ANKH: variants seen among roughly 807,000 people sequenced by gnomAD.
ANKH encodes ANKH inorganic pyrophosphate transport regulator, also known as mineralization regulator ANKH.
In ANKH, 15 loss-of-function variants were observed where a neutral mutation model predicts 49.0. The observed-to-expected ratio is 0.31, with a 90% CI of 0.20 to 0.47. ANKH has a LOEUF of 0.47. Among genes scored for constraint, ANKH ranks in the 20% least tolerant of loss-of-function variants. The pLI, the probability that ANKH is intolerant of heterozygous loss-of-function variation, is 1.00. For missense variants in ANKH, 429 were observed against 652.0 expected (o/e 0.66, Z 3.72); for synonymous variants, 273 against 260.0 (o/e 1.05, Z -0.48).
intron 1 of ANKH, among the ~76,000 whole-genome samples, chr5:14,865,569 C>T (rs949854485): frequency 6.6e-6 from 1 of 152,178 alleles, no homozygotes; most frequent in African/African-American, 2.4e-5. Flanking sequence ...TACAACAGAT[C>T]CCTGTCATGT....
chr5:14,717,472 T>G (rs777461422), intron 8 of ANKH, among the ~76,000 whole-genome samples: 6 of 152,024 alleles, frequency 3.9e-5, no homozygotes, highest in Admixed American at 2.6e-4. Context: ...AAAGTGGAGC[T>G]CTCTCCCCAC....
chr5:14,820,827 G>A (rs1160940573), intron 1 of ANKH, among the ~76,000 whole-genome samples: 1 of 152,234 alleles, frequency 6.6e-6, no homozygotes, highest in Non-Finnish European at 1.5e-5. Context: ...GCCAGGTGCA[G>A]TGGCTTATGC....
At position 14,797,926 on chromosome 5, in the gene ANKH, A is replaced by G. The variant is rs929050677; in HGVS notation, c.97-28735T>C. 1.9e-6 allele frequency: 3 copies of G among 1,598,996 alleles called. No individual in the cohort carries two copies. The African/African-American group carries it at 4.0e-5, about 21-fold the overall frequency. The stretch of plus-strand genomic sequence containing the variant: ...CATTCTCCAGAAGGATCTGGTTTAG[A>G]AGGATGTTTTGTATAGTCAAAGACA... On this transcript the variant is annotated intron_variant, in intron 1 of 11. Transcript: ENST00000284268.
chr5:14,858,202 A>G (rs1357803753), intron 1 of ANKH, among the ~76,000 whole-genome samples: 1 of 152,032 alleles, frequency 6.6e-6, no homozygotes, highest in Non-Finnish European at 1.5e-5. Flanking sequence ...GGTTTGGTGC[A>G]CCTGTCACCT....
chr5:14,798,080 A>T, intron 1 of ANKH: 1 of 1,581,136 alleles, frequency 6.3e-7, no homozygotes, highest in South Asian at 1.1e-5. Flanking sequence ...CTGAACCAAA[A>T]CCTCCAAATT....
chr5:14,816,345 G>A (rs1054741835), intron 1 of ANKH, among the ~76,000 whole-genome samples: 3 of 152,130 alleles, frequency 2.0e-5, no homozygotes, highest in Non-Finnish European at 2.9e-5. Context: ...AAGCCACTTC[G>A]AATGGGTCTA....
chr5:14,764,847 T>A (rs1739209445), intron 2 of ANKH, among the ~76,000 whole-genome samples: 1 of 152,180 alleles, frequency 6.6e-6, no homozygotes, highest in Non-Finnish European at 1.5e-5. Flanking sequence ...GCAGTTTTGT[T>A]CCCCTGAATT....
At chr5:14,730,844 G>A (rs1737975981) in intron 8 of ANKH, among the ~76,000 whole-genome samples, 1 of 152,228 alleles carries the variant, frequency 6.6e-6, no homozygotes, top group Non-Finnish European at 1.5e-5. Context: ...CCAGAGCCCG[G>A]GTTCCACTGG....
At chr5:14,777,525 T>C (rs1230216526) in intron 1 of ANKH, among the ~76,000 whole-genome samples, 1 of 152,192 alleles carries the variant, frequency 6.6e-6, no homozygotes, top group Non-Finnish European at 1.5e-5. Context: ...GTATGAGCTG[T>C]CTAGATCATT....
chr5:14,772,952 C>A (rs1739494741), intron 1 of ANKH, among the ~76,000 whole-genome samples: 1 of 152,230 alleles, frequency 6.6e-6, no homozygotes. Flanking sequence ...TGTGTAAGAT[C>A]AGTGTCCCTG....
At chr5:14,836,351 T>C (rs1019986197) in intron 1 of ANKH, among the ~76,000 whole-genome samples, 1 of 152,204 alleles carries the variant, frequency 6.6e-6, no homozygotes, top group African/African-American at 2.4e-5. Flanking sequence ...GATGACATGA[T>C]TGTATATTTA....
At chr5:14,778,808 C>T (rs550940802) in intron 1 of ANKH, among the ~76,000 whole-genome samples, 3 of 152,192 alleles carry the variant, frequency 2.0e-5, no homozygotes, top group South Asian at 2.1e-4. Context: ...CCACCCTTAA[C>T]GGTATTTGTA....
chr5:14,792,284 G>A (rs1343159031), intron 1 of ANKH, among the ~76,000 whole-genome samples: 2 of 152,202 alleles, frequency 1.3e-5, no homozygotes, highest in Non-Finnish European at 2.9e-5. Flanking sequence ...CTTGTGAGTG[G>A]AGGATTTATG....
intron 1 of ANKH, among the ~76,000 whole-genome samples, chr5:14,858,641 A>G (rs2126629172): frequency 6.6e-6 from 1 of 151,986 alleles, no homozygotes; most frequent in Non-Finnish European, 1.5e-5. Flanking sequence ...GCTTAAACAC[A>G]GGAGGCGGGG....
intron 1 of ANKH, among the ~76,000 whole-genome samples, chr5:14,859,914 T>G (rs2126630530): frequency 6.6e-6 from 1 of 152,374 alleles, no homozygotes; most frequent in East Asian, 1.9e-4. Flanking sequence ...TTTAGGGCCC[T>G]TTGGCAGGTC....
chr5:14,734,558 G>C (rs76940619), intron 8 of ANKH, among the ~76,000 whole-genome samples: 2,968 of 152,304 alleles, frequency 0.019, 118 homozygotes, highest in African/African-American at 0.068. Flanking sequence ...AAAACCGAAA[G>C]AGCCGGGCTG....
chr5:14,830,701 T>G (rs559495682), intron 1 of ANKH, among the ~76,000 whole-genome samples: 1 of 152,190 alleles, frequency 6.6e-6, no homozygotes, highest in Non-Finnish European at 1.5e-5. Flanking sequence ...CTATTTTGTA[T>G]GTCTATTTTC....
intron 8 of ANKH, among the ~76,000 whole-genome samples, chr5:14,724,298 CAA>C (rs1737757069): frequency 6.7e-6 from 1 of 148,850 alleles, no homozygotes; most frequent in Non-Finnish European, 1.5e-5. Context: ...GCCTGGTTAA[CAA>C]GAGTGAAACT....
intron 1 of ANKH, among the ~76,000 whole-genome samples, chr5:14,773,071 C>A (rs10070808): frequency 2.0e-5 from 3 of 152,114 alleles, no homozygotes; most frequent in African/African-American, 4.8e-5. Flanking sequence ...TTTTCCCCAC[C>A]ACCTATCCTG....
Sources: gnomAD v4.1 joint callset for allele counts (sites outside exome capture counted in the v4.1 genomes callset) on GRCh38, gnomAD v4.1.1 for gene constraint, MANE v1.5 for transcripts, NCBI Gene and HGNC (gene_info 2026-07-23, HGNC 2026-07-21) for gene names.